Variants in ATG10 observed in about 807,000 individuals in gnomAD.
ATG10 encodes autophagy related 10.
Under a neutral mutation model 32.1 loss-of-function variants are expected in ATG10, and 30 were observed. The observed-to-expected ratio is 0.94, with a 90% CI of 0.70 to 1.27. The LOEUF (loss-of-function observed/expected upper bound fraction) is 1.27, where lower values mean the gene tolerates loss of function less well. Among genes scored for constraint, ATG10 ranks in the 50% most tolerant of loss-of-function variants. The pLI is 0.00. For synonymous variants in ATG10, 87 were observed against 91.5 expected, an observed-to-expected ratio of 0.95 and a Z score of 0.28; for missense variants, 233 against 262.3, an observed-to-expected ratio of 0.89 and a Z score of 0.77.
rs1011425505 is a variant in ATG10 at position 82,131,638 on chromosome 5, CTACT to C, written c.217-32759_217-32756del. 6.2e-5 allele frequency among the ~76,000 whole-genome samples: 4 copies of C among 64,002 alleles called. No individual in the cohort carries two copies. In the Admixed American group the frequency reaches 8.4e-4, roughly 14 times the overall value. 42.0% of individuals were successfully genotyped at this position (64,002 alleles called of 152,430 possible). On this transcript the variant is annotated intron_variant, in intron 3 of 7. Coordinates refer to ENST00000282185, the MANE Select transcript of ATG10 (RefSeq NM_031482.5). ...AGAGAAAAATATATGTAGTTTTATT[CTACT>C]TTTTTTTTTTTTTGATCACTTTCTA...
At chr5:82,119,084 A>G (rs1490388181) in intron 3 of ATG10, among the ~76,000 whole-genome samples, 3 of 152,206 alleles carry the variant, frequency 2.0e-5, no homozygotes, top group Non-Finnish European at 2.9e-5. Context: ...ACTTTAACCT[A>G]TGGAGATTTT....
At chr5:82,180,572 G>C (rs1052104395) in intron 5 of ATG10, among the ~76,000 whole-genome samples, 1 of 152,156 alleles carries the variant, frequency 6.6e-6, no homozygotes, top group Non-Finnish European at 1.5e-5. Context: ...CCAGCTTCTA[G>C]TGTCTTGTCA....
At chr5:82,221,876 G>A (rs1279267779) in intron 5 of ATG10, among the ~76,000 whole-genome samples, 4 of 152,192 alleles carry the variant, frequency 2.6e-5, no homozygotes, top group Non-Finnish European at 5.9e-5. Context: ...TTCTGAGTCT[G>A]AAGCCCTGAC....
At chr5:81,985,938 A>T (rs1376387168) in intron 1 of ATG10, among the ~76,000 whole-genome samples, 1 of 151,684 alleles carries the variant, frequency 6.6e-6, no homozygotes, top group East Asian at 1.9e-4. Flanking sequence ...AATTTTTTGT[A>T]TTTTTTAGTA....
At chr5:81,996,934 A>G (rs908388136) in intron 2 of ATG10, among the ~76,000 whole-genome samples, 10 of 152,256 alleles carry the variant, frequency 6.6e-5, no homozygotes, top group Non-Finnish European at 1.5e-4. Flanking sequence ...AGCATTCAAT[A>G]TATCTTAACC....
At chr5:82,054,159 A>T (rs1763513316) in intron 2 of ATG10, among the ~76,000 whole-genome samples, 1 of 152,208 alleles carries the variant, frequency 6.6e-6, no homozygotes, top group South Asian at 2.1e-4. Flanking sequence ...ATTCTGACTT[A>T]ATTGGTCTGA....
intron 3 of ATG10, among the ~76,000 whole-genome samples, chr5:82,112,238 T>C (rs1202034164): frequency 6.6e-6 from 1 of 151,954 alleles, no homozygotes; most frequent in Non-Finnish European, 1.5e-5. Flanking sequence ...TTATCATGCA[T>C]AGCCCAGAAC....
intron 2 of ATG10, among the ~76,000 whole-genome samples, chr5:81,992,820 A>C (rs901542960): frequency 1.3e-5 from 2 of 152,244 alleles, no homozygotes; most frequent in Non-Finnish European, 2.9e-5. Context: ...TGAGAAAAGC[A>C]GTGCGAATTA....
intron 3 of ATG10, among the ~76,000 whole-genome samples, chr5:82,110,234 A>G (rs1434423245): frequency 6.6e-6 from 1 of 152,144 alleles, no homozygotes; most frequent in Admixed American, 6.6e-5. Flanking sequence ...AGTCTTTGCT[A>G]TTGTGAGTAG....
chr5:82,122,647 A>G (rs1766089194), intron 3 of ATG10, among the ~76,000 whole-genome samples: 1 of 152,240 alleles, frequency 6.6e-6, no homozygotes. Context: ...ATCTATAAGG[A>G]CCTTAAACAA....
chr5:82,224,568 C>T (rs1746045874), intron 5 of ATG10, among the ~76,000 whole-genome samples: 1 of 152,024 alleles, frequency 6.6e-6, no homozygotes, highest in Non-Finnish European at 1.5e-5. Flanking sequence ...AGAATAGAGG[C>T]TCTAAAACAA....
intron 5 of ATG10, among the ~76,000 whole-genome samples, chr5:82,237,464 T>G (rs1323695074): frequency 5.3e-5 from 8 of 151,984 alleles, no homozygotes; most frequent in Non-Finnish European, 1.2e-4. Context: ...ACCAACATGA[T>G]GAAACCCCGC....
At chr5:82,229,953 A>G (rs1229943843) in intron 5 of ATG10, among the ~76,000 whole-genome samples, 1 of 152,192 alleles carries the variant, frequency 6.6e-6, no homozygotes, top group African/African-American at 2.4e-5. Context: ...GCCTTGGCAA[A>G]CTATTTTTGA....
intron 5 of ATG10, among the ~76,000 whole-genome samples, chr5:82,228,689 C>T (rs188092333): frequency 1.3e-4 from 20 of 152,056 alleles, no homozygotes; most frequent in Non-Finnish European, 2.6e-4. Flanking sequence ...CAATATGTAC[C>T]GTGCATTGGA....
At chr5:82,138,873 CTCCCCCTCTCCCT>C in intron 3 of ATG10, among the ~76,000 whole-genome samples, 2 of 99,758 alleles carry the variant, frequency 2.0e-5, no homozygotes, top group African/African-American at 8.2e-5. Flanking sequence ...CCCCCTCCCC[CTCCCCCTCTCCCT>C]CTCCCTCTCA....
At chr5:82,023,250 A>G (rs867177184) in intron 2 of ATG10, among the ~76,000 whole-genome samples, 3 of 152,086 alleles carry the variant, frequency 2.0e-5, no homozygotes, top group Non-Finnish European at 4.4e-5. Flanking sequence ...TTGAGATACT[A>G]GATTATAGTA....
chr5:81,983,705 A>G (rs1581565035), intron 1 of ATG10, among the ~76,000 whole-genome samples: 1 of 150,818 alleles, frequency 6.6e-6, no homozygotes, highest in East Asian at 2.0e-4. Flanking sequence ...CACTTCCCAG[A>G]TGGGGTGGCT....
intron 3 of ATG10, among the ~76,000 whole-genome samples, chr5:82,150,819 A>G (rs928150789): frequency 3.3e-5 from 5 of 152,238 alleles, no homozygotes; most frequent in Non-Finnish European, 7.3e-5. Context: ...TCAGTGACTC[A>G]TTAAGATTTC....
In ATG10 at chr5:82,164,426, T is replaced by G. The variant is rs141251446; in HGVS notation, c.244T>G (p.Cys82Gly). Reference sequence around the variant, plus strand: ...GGCTTTCGAGCTACCCTTGGATGATTGTGAAGTGATTGAAACTGCAGCAGC... The same window carrying G: ...GGCTTTCGAGCTACCCTTGGATGATGGTGAAGTGATTGAAACTGCAGCAGC... ...EEAFELPLDD[C>G]EVIETAAASE... Residue 82 changes from cysteine (C) to glycine (G), a missense_variant, in exon 4 of 8, where the codon TGT (cysteine) becomes GGT (glycine). Cys to Gly is a radical substitution (Grantham distance 159). Transcript: ENST00000282185. 6.2e-7 allele frequency: 1 copy of G among 1,614,020 alleles called. No individual in the cohort carries two copies. The highest frequency in any genetic ancestry group is 2.2e-5 in the East Asian group (1 of 44,862).
Sources: allele counts gnomAD v4.1 joint callset (sites outside exome capture counted in the v4.1 genomes callset), GRCh38; gene constraint gnomAD v4.1.1; transcripts MANE v1.5; gene names NCBI Gene and HGNC (gene_info 2026-07-23, HGNC 2026-07-21).